DPH5: variants seen among roughly 807,000 people sequenced by gnomAD.
DPH5 encodes diphthine methyl ester synthase.
Under a neutral mutation model 31.6 loss-of-function variants are expected in DPH5, and 31 were observed. The observed-to-expected ratio is 0.98, with a 90% CI of 0.74 to 1.32. The LOEUF (loss-of-function observed/expected upper bound fraction) is 1.32. Ranked by LOEUF, DPH5 falls within the 40% of genes most tolerant of loss-of-function variation. DPH5 has a pLI of 0.00. For missense variants in DPH5, 309 were observed against 335.7 expected (o/e 0.92, Z 0.62); for synonymous variants, 120 against 115.0 (o/e 1.04, Z -0.28).
intron 5 of DPH5, chr1:100,996,189 C>T (rs1658331829): frequency 6.6e-6 from 1 of 152,090 alleles, no homozygotes; most frequent in Non-Finnish European, 1.5e-5. Flanking sequence ...AGAATGTGGC[C>T]TCCCTATAAT....
intron 5 of DPH5, among the ~76,000 whole-genome samples, chr1:100,998,316 G>A (rs138874354): frequency 6.6e-6 from 1 of 152,194 alleles, no homozygotes; most frequent in East Asian, 1.9e-4. Flanking sequence ...TTTGAGACCA[G>A]CCTGGTTAAC....
chr1:101,012,924 T>C (rs1175436337), intron 4 of DPH5, among the ~76,000 whole-genome samples: 1 of 152,174 alleles, frequency 6.6e-6, no homozygotes, highest in Non-Finnish European at 1.5e-5. Flanking sequence ...TTCTTGAAAA[T>C]ATCTATTTTT....
In DPH5 at chr1:101,025,767, G is replaced by C. The variant is rs1285444926; in HGVS notation, c.-108C>G. On this transcript the variant is annotated 5_prime_UTR_variant, in exon 1 of 8. Coordinates refer to ENST00000370109, the MANE Select transcript of DPH5 (RefSeq NM_015958.3). ...CGCAGAAGCAACTGCAAAAGCGCCG[G>C]CTCCGTGCAGAGAAAAGGCCCACGC... 2 of 291,800 alleles carry C rather than the reference G, an allele frequency of 6.9e-6. No individual in the cohort carries two copies. The highest frequency in any genetic ancestry group is 1.3e-5 in the Non-Finnish European group (2 of 152,950). 18.1% of individuals were successfully genotyped at this position (291,800 alleles called of 1,614,324 possible). A position where few individuals can be genotyped will look rare whatever the true frequency, so the allele number is the denominator to read the frequency against.
At chr1:101,025,488 A>G in intron 1 of DPH5, 22 bp from the exon 2 acceptor site, 2 of 1,610,168 alleles carry the variant, frequency 1.2e-6, no homozygotes, top group Non-Finnish European at 1.7e-6. Flanking sequence ...AGTGGACAGA[A>G]AAACCGTCAG....
intron 7 of DPH5, among the ~76,000 whole-genome samples, chr1:100,991,944 C>G (rs1438339266): frequency 6.6e-6 from 1 of 151,368 alleles, no homozygotes. Flanking sequence ...CTGTCTCTAC[C>G]AAAAACACAC....
chr1:101,007,409 C>T (rs1202950409), intron 4 of DPH5, among the ~76,000 whole-genome samples: 1 of 152,058 alleles, frequency 6.6e-6, no homozygotes, highest in Non-Finnish European at 1.5e-5. Context: ...ATGTTAAACT[C>T]AAGAATTCAA....
At chr1:100,999,980 T>TA (rs1039131927) in intron 5 of DPH5, among the ~76,000 whole-genome samples, 11 of 151,406 alleles carry the variant, frequency 7.3e-5, no homozygotes, top group Admixed American at 1.3e-4. Flanking sequence ...CCATCTCTAC[T>TA]AAAAAAAATA....
chr1:101,017,126 G>A (rs1471166858), intron 3 of DPH5, among the ~76,000 whole-genome samples: 1 of 152,112 alleles, frequency 6.6e-6, no homozygotes, highest in Non-Finnish European at 1.5e-5. Context: ...CAGGAAGTGA[G>A]AACATGCTGT....
intron 4 of DPH5, among the ~76,000 whole-genome samples, chr1:101,012,333 T>C (rs530632891): frequency 1.4e-4 from 22 of 152,276 alleles, no homozygotes; most frequent in African/African-American, 4.8e-4. Flanking sequence ...TTTCTGTCTC[T>C]AGTGATAAGC....
chr1:100,993,789 T>A (rs1437359819), intron 6 of DPH5, among the ~76,000 whole-genome samples: 1 of 151,674 alleles, frequency 6.6e-6, no homozygotes, highest in African/African-American at 2.4e-5. Flanking sequence ...TTGCCCAGGC[T>A]GCAGTACAGT....
intron 4 of DPH5, among the ~76,000 whole-genome samples, chr1:101,001,977 C>T (rs376130802): frequency 6.6e-6 from 1 of 152,004 alleles, no homozygotes; most frequent in South Asian, 2.1e-4. Flanking sequence ...ACAGATGAGA[C>T]CATCAAGGCT....
intron 3 of DPH5, among the ~76,000 whole-genome samples, chr1:101,015,396 C>T (rs1462559294): frequency 6.6e-6 from 1 of 152,146 alleles, no homozygotes; most frequent in Admixed American, 6.5e-5. Flanking sequence ...TGAAAGAAAT[C>T]TATGTTTTTG....
intron 5 of DPH5, among the ~76,000 whole-genome samples, chr1:100,998,195 T>A (rs1195716797): frequency 6.6e-6 from 1 of 151,980 alleles, no homozygotes; most frequent in Admixed American, 6.5e-5. Context: ...CTAATCTAGA[T>A]CTATAATTAA....
chr1:100,999,304 G>T (rs563894460), intron 5 of DPH5, among the ~76,000 whole-genome samples: 6 of 151,842 alleles, frequency 4.0e-5, no homozygotes, highest in Non-Finnish European at 8.8e-5. Flanking sequence ...ACAAAAATTG[G>T]CTAGGTGTGG....
intron 7 of DPH5, among the ~76,000 whole-genome samples, chr1:100,991,172 C>T (rs1657659386): frequency 6.6e-6 from 1 of 152,194 alleles, no homozygotes; most frequent in African/African-American, 2.4e-5. Flanking sequence ...AGATATGAGA[C>T]TAGTAGACTA....
At chr1:101,008,205 C>CT (rs34865987) in intron 4 of DPH5, among the ~76,000 whole-genome samples, 1 of 152,038 alleles carries the variant, frequency 6.6e-6, no homozygotes, top group Non-Finnish European at 1.5e-5. Flanking sequence ...ACATTTAGTT[C>CT]TTTTTTTCTA....
intron 5 of DPH5, chr1:100,995,399 AG>A: frequency 2.6e-6 from 1 of 380,716 alleles, no homozygotes. Flanking sequence ...AAAGAAGACA[AG>A]GGAAAGAATT....
intron 4 of DPH5, among the ~76,000 whole-genome samples, chr1:101,003,036 A>G (rs989932831): frequency 6.6e-6 from 1 of 152,224 alleles, no homozygotes; most frequent in African/African-American, 2.4e-5. Flanking sequence ...CATCTTACCT[A>G]CCAACAAGGT....
At position 100,994,848 on chromosome 1, in the gene DPH5, C is replaced by T. The variant is rs532773150; in HGVS notation, c.530+262G>A. On this transcript the variant is annotated intron_variant, in intron 6 of 7. Coordinates refer to ENST00000370109, the MANE Select transcript of DPH5 (RefSeq NM_015958.3). ...GGCCTCACACCCATGTTTTCAGAAT[C>T]CCAACGCATTAATTCATTCCACAAA... 4.6e-5 allele frequency among the ~76,000 whole-genome samples: 7 copies of T among 152,270 alleles called. No homozygotes were observed. The East Asian group carries it at 1.2e-3, about 25-fold the overall frequency.
Sources: allele counts gnomAD v4.1 joint callset (sites outside exome capture counted in the v4.1 genomes callset), GRCh38; gene constraint gnomAD v4.1.1; transcripts MANE v1.5; gene names NCBI Gene and HGNC (gene_info 2026-07-23, HGNC 2026-07-21).